MTHFD1: variants seen among roughly 807,000 people sequenced by gnomAD.
The protein encoded by MTHFD1 is methylenetetrahydrofolate dehydrogenase, cyclohydrolase and formyltetrahydrofolate synthetase 1, also known as C-1-tetrahydrofolate synthase, cytoplasmic.
In MTHFD1, 44 loss-of-function variants were observed where a neutral mutation model predicts 110.3. The ratio of observed to expected loss-of-function variants is 0.40; its 90% CI spans 0.31 to 0.51. MTHFD1 has a LOEUF of 0.51. MTHFD1 is among the 20% of genes least tolerant of loss of function. The pLI is 0.60. For missense variants in MTHFD1, 909 were observed against 1,173.1 expected (o/e 0.77, Z 3.29); for synonymous variants, 402 against 428.8 (o/e 0.94, Z 0.77).
At chr14:64,436,997 GGTGT>G (rs57417018) in intron 16 of MTHFD1, among the ~76,000 whole-genome samples, 1 of 151,994 alleles carries the variant, frequency 6.6e-6, no homozygotes, top group Non-Finnish European at 1.5e-5. Context: ...AAGAGTGGGG[GGTGT>G]GTGTGTCTGA....
chr14:64,412,342 C>T, intron 3 of MTHFD1, 130 bp from the exon 4 acceptor site: 1 of 739,882 alleles, frequency 1.4e-6, no homozygotes. Context: ...GTGAGGGACT[C>T]ATTCTTCAGA....
rs1194458000 is a variant in MTHFD1, at chr14:64,431,642, A to G, written c.1419+3A>G. The G allele has an allele frequency of 6.2e-7, 1 of 1,613,364 alleles. No individual in the cohort carries two copies. The highest frequency in any genetic ancestry group is 8.5e-7 in the Non-Finnish European group (1 of 1,179,386). ...ATGAACTGACCCAGACAGACAAGGT[A>G]GGATGCCAAAGCCCCATGAACCCCA... On this transcript the variant is annotated splice_donor_region_variant and intron_variant, in intron 14 of 27. Coordinates refer to ENST00000652337, the MANE Select transcript of MTHFD1 (RefSeq NM_005956.4).
intron 1 of MTHFD1, among the ~76,000 whole-genome samples, chr14:64,389,476 G>A (rs2077787759): frequency 6.6e-6 from 1 of 152,156 alleles, no homozygotes. Flanking sequence ...GGGAGGCCGA[G>A]GTGGGTGGAT....
At chr14:64,405,345 A>G (rs1428404918) in intron 2 of MTHFD1, among the ~76,000 whole-genome samples, 1 of 152,210 alleles carries the variant, frequency 6.6e-6, no homozygotes, top group Non-Finnish European at 1.5e-5. Context: ...TTTTTATTAC[A>G]TAAACACTGT....
At position 64,457,962 on chromosome 14, in the gene MTHFD1, C is replaced by T. The variant is rs1236672874; in HGVS notation, c.2719-252C>T. 7.0e-6 allele frequency: 4 copies of T among 574,802 alleles called. No homozygotes were observed. In the Admixed American group the frequency reaches 1.2e-4, roughly 17 times the overall value. 35.6% of individuals were successfully genotyped at this position (574,802 alleles called of 1,614,324 possible). A position where few individuals can be genotyped will look rare whatever the true frequency, so the allele number is the denominator to read the frequency against. The stretch of plus-strand genomic sequence containing the variant: ...CGCCCAGGCAATCGGATGATCATGG[C>T]TCACTGTGGCCTCAACCTCCTAGCC... On this transcript the variant is annotated intron_variant, in intron 26 of 27. Transcript: ENST00000652337.
chr14:64,428,960 C>T (rs1270084048), intron 12 of MTHFD1, among the ~76,000 whole-genome samples: 4 of 152,106 alleles, frequency 2.6e-5, no homozygotes, highest in African/African-American at 9.7e-5. Context: ...TTATTGAACC[C>T]ATTATTTTCC....
In MTHFD1 at chr14:64,449,606, T is replaced by G; in HGVS notation, c.2441T>G (p.Leu814Arg). The change falls in exon 24 of 28, where the codon CTC becomes CGC. Residue 814 changes from leucine (L) to arginine (R), a missense_variant. Transcript: ENST00000652337. ...GCACAAGCACCCAGCAGCTTCCAGC[T>G]CCTTTATGACCTCAAGGTGGGTGAT... The part of the protein sequence containing the change: ...RAAQAPSSFQ[L>R]LYDLKLPVED... 1 of 1,614,086 alleles carries G rather than the reference T, an allele frequency of 6.2e-7. No individual in the cohort carries two copies. The highest frequency in any genetic ancestry group is 1.6e-4 in the Middle Eastern group (1 of 6,062).
At chr14:64,428,110 T>TTG (rs1204421852) in intron 12 of MTHFD1, among the ~76,000 whole-genome samples, 9 of 143,780 alleles carry the variant, frequency 6.3e-5, no homozygotes, top group African/African-American at 2.3e-4. Flanking sequence ...GTGTTTTTTT[T>TTG]TTTTTTTTTT....
At chr14:64,398,640 T>C (rs543208450) in intron 1 of MTHFD1, among the ~76,000 whole-genome samples, 9 of 152,374 alleles carry the variant, frequency 5.9e-5, no homozygotes, top group African/African-American at 1.9e-4. Context: ...TTCTTGATGT[T>C]TACTAGGCCA....
chr14:64,424,035 G>T (rs2078099949), intron 8 of MTHFD1, among the ~76,000 whole-genome samples: 1 of 152,188 alleles, frequency 6.6e-6, no homozygotes, highest in Non-Finnish European at 1.5e-5. Context: ...CCACCTTGGA[G>T]CTTCTTCTCA....
intron 4 of MTHFD1, 32 bp from the exon 5 acceptor site, chr14:64,415,326 G>A: frequency 1.9e-6 from 3 of 1,582,206 alleles, no homozygotes; most frequent in Non-Finnish European, 2.6e-6. Flanking sequence ...ATTTCTGTGT[G>A]ATATACAAAT....
rs80103657 is a variant in MTHFD1, at chr14:64,437,806, G to T, written c.1598-1290G>T. On this transcript the variant is annotated intron_variant, in intron 16 of 27. Transcript: ENST00000652337. The stretch of plus-strand genomic sequence containing the variant: ...AGAAACAACCAGATGGAAGAGAAGC[G>T]TAGGGGGCATCACTCTCCCAGCACC... Among the ~76,000 whole-genome samples the T allele has an allele frequency of 5.3e-3, 809 of 152,288 alleles. 8 individuals are homozygous for T. Among genetic ancestry groups the T allele is most frequent in the African/African-American group, 0.019 (774 of 41,552 alleles).
Position 64,417,948 on chromosome 14 carries a change from C to G in MTHFD1, c.539C>G (p.Pro180Arg). 1 of 1,613,764 alleles carries G rather than the reference C, an allele frequency of 6.2e-7. No homozygotes were observed. The highest frequency in any genetic ancestry group is 8.5e-7 in the Non-Finnish European group (1 of 1,179,984). Residue 180 changes from proline to arginine, a missense_variant, in exon 7 of 28, where the codon CCG (proline) becomes CGG (arginine). Physicochemically the swap from Pro to Arg is moderately radical, Grantham distance 103 (BLOSUM62 -2). This residue lies in a region of MTHFD1 where 424 missense variants were observed against 510.4 expected (regional missense o/e 0.83). Coordinates refer to ENST00000652337, the MANE Select transcript of MTHFD1 (RefSeq NM_005956.4). This position sits in a 1 kb window ranked among gnomAD's most constrained non-coding sequence, Gnocchi z 4.4. ...GGGCGCAGTAAAATAGTTGGGGCCC[C>G]GATGCATGACTTGCTTCTGTGGAAC... ...VVGRSKIVGA[P>R]MHDLLLWNNA...
At chr14:64,425,431 G>C (rs1374475052) in intron 9 of MTHFD1, among the ~76,000 whole-genome samples, 1 of 151,968 alleles carries the variant, frequency 6.6e-6, no homozygotes, top group African/African-American at 2.4e-5. Flanking sequence ...GGCTGGTCTG[G>C]AACTCCCGAC....
At chr14:64,410,960 C>T (rs998055257) in intron 2 of MTHFD1, 130 bp from the exon 3 acceptor site, 8 of 722,214 alleles carry the variant, frequency 1.1e-5, no homozygotes, top group Non-Finnish European at 2.0e-5. Flanking sequence ...TCCCTATACT[C>T]CTGTAAAAGT....
At chr14:64,423,907 T>C (rs1365411289) in intron 8 of MTHFD1, among the ~76,000 whole-genome samples, 1 of 151,722 alleles carries the variant, frequency 6.6e-6, no homozygotes, top group Non-Finnish European at 1.5e-5. Context: ...TTTTGTATTT[T>C]TAGCAGAGAC....
At chr14:64,423,743 C>T (rs2104049) in intron 8 of MTHFD1, among the ~76,000 whole-genome samples, 150,374 of 150,436 alleles carry the variant, frequency 1, 75,156 homozygotes, top group Middle Eastern at 1. Context: ...TCTTTTTTTT[C>T]TGAGACAGAG....
intron 26 of MTHFD1, among the ~76,000 whole-genome samples, chr14:64,456,639 C>G (rs1224123597): frequency 1.3e-5 from 2 of 152,140 alleles, no homozygotes; most frequent in Non-Finnish European, 2.9e-5. Context: ...ATGTCATCTT[C>G]CGGTTTTTCT....
Position 64,395,785 on chromosome 14 carries a change from A to G in MTHFD1, c.42-5008A>G, listed in dbSNP as rs140374250. Reference sequence around the variant, plus strand: ...AGTGCACAGGATAGTCCCCATAACAAAGGATGATCTGGTCCAAATGTCAGT... The same window carrying G: ...AGTGCACAGGATAGTCCCCATAACAGAGGATGATCTGGTCCAAATGTCAGT... On this transcript the variant is annotated intron_variant, in intron 1 of 27. Coordinates refer to ENST00000652337, the MANE Select transcript of MTHFD1 (RefSeq NM_005956.4). Among the ~76,000 whole-genome samples the G allele has an allele frequency of 2.6e-5, 4 of 152,284 alleles. No homozygotes were observed. In the East Asian group the frequency reaches 7.7e-4, roughly 29 times the overall value.
Sources: allele counts gnomAD v4.1 joint callset (sites outside exome capture counted in the v4.1 genomes callset), GRCh38; gene constraint gnomAD v4.1.1; regional missense constraint gnomAD v4.1.1; non-coding constraint Gnocchi (gnomAD v3.1); transcripts MANE v1.5; gene names NCBI Gene and HGNC (gene_info 2026-07-23, HGNC 2026-07-21).